The following ASPH variants were observed in gnomAD, a reference collection of about 807,000 sequenced individuals.
The protein encoded by ASPH is aspartate beta-hydroxylase.
ASPH carries 100 observed loss-of-function variants against 118.4 expected under a neutral mutation model. That is an observed-to-expected ratio of 0.84 (90% CI 0.72 to 1.00). The LOEUF is 1.00. Among genes scored for constraint, ASPH ranks in the 50% least tolerant of loss-of-function variants. ASPH has a pLI of 0.00. For synonymous variants in ASPH, 315 were observed against 325.6 expected, an observed-to-expected ratio of 0.97 and a Z score of 0.35; for missense variants, 920 against 919.5, an observed-to-expected ratio of 1.00 and a Z score of -0.01.
At chr8:61,685,398 C>A (rs534653554) in intron 1 of ASPH, among the ~76,000 whole-genome samples, 48 of 152,226 alleles carry the variant, frequency 3.2e-4, no homozygotes, top group Non-Finnish European at 5.1e-4. Context: ...AAATGATTCT[C>A]CCAAAGTCAC....
chr8:61,630,116 G>C (rs751959233), intron 13 of ASPH, among the ~76,000 whole-genome samples: 5 of 152,138 alleles, frequency 3.3e-5, no homozygotes, highest in Non-Finnish European at 7.3e-5. Flanking sequence ...TGCCACTTGG[G>C]ATTAGCACAT....
rs182848479 is a variant in ASPH at position 61,519,501 on chromosome 8, G to A, written c.1901-1378C>T. On this transcript the variant is annotated intron_variant, in intron 22 of 24. Coordinates refer to ENST00000379454, the MANE Select transcript of ASPH (RefSeq NM_004318.4). ...CCTGTGACAGGAAAAATAATAGTTA[G>A]CTCCCAAAAGATGTCCATACCCTCA... 2.0e-3 allele frequency among the ~76,000 whole-genome samples: 303 copies of A among 152,286 alleles called. 3 individuals are homozygous for A. The highest frequency in any genetic ancestry group is 2.0e-3 in the Non-Finnish European group (135 of 68,024).
intron 14 of ASPH, among the ~76,000 whole-genome samples, chr8:61,601,468 A>G (rs1843949964): frequency 1.3e-5 from 2 of 150,416 alleles, no homozygotes; most frequent in Admixed American, 1.3e-4. Context: ...TGAACCCAGG[A>G]GGCGGAGGTT....
intron 14 of ASPH, among the ~76,000 whole-genome samples, chr8:61,605,869 ATTC>A (rs1194781332): frequency 1.3e-5 from 2 of 152,220 alleles, no homozygotes; most frequent in Non-Finnish European, 2.9e-5. Context: ...ATTTTAAAAT[ATTC>A]CTCATTTTTC....
chr8:61,590,827 T>C (rs535505028), intron 14 of ASPH, among the ~76,000 whole-genome samples: 1 of 152,304 alleles, frequency 6.6e-6, no homozygotes, highest in South Asian at 2.1e-4. Flanking sequence ...AACCCTTTCC[T>C]TTATTTCTAC....
At chr8:61,556,048 T>G (rs565482056) in intron 18 of ASPH, 26 bp from the exon 19 acceptor site, 1 of 1,598,430 alleles carries the variant, frequency 6.3e-7, no homozygotes, top group Non-Finnish European at 8.6e-7. Context: ...ACACAGAACA[T>G]AACTCAAAGA....
At chr8:61,538,684 G>A (rs968440551) in intron 21 of ASPH, among the ~76,000 whole-genome samples, 1 of 152,198 alleles carries the variant, frequency 6.6e-6, no homozygotes, top group Admixed American at 6.5e-5. Flanking sequence ...AAGTGACAGA[G>A]TGCTATTCTA....
chr8:61,693,397 G>A (rs1833145356), intron 1 of ASPH, among the ~76,000 whole-genome samples: 1 of 152,128 alleles, frequency 6.6e-6, no homozygotes, highest in Admixed American at 6.5e-5. Context: ...CCATCATAAT[G>A]ACTGTAAAGT....
chr8:61,591,482 A>T (rs557055987), intron 14 of ASPH, among the ~76,000 whole-genome samples: 2 of 152,114 alleles, frequency 1.3e-5, no homozygotes, highest in Non-Finnish European at 2.9e-5. Flanking sequence ...ATCTTATTCC[A>T]TGTAGGTTTT....
At chr8:61,617,252 T>C (rs1454302913) in intron 14 of ASPH, among the ~76,000 whole-genome samples, 2 of 152,072 alleles carry the variant, frequency 1.3e-5, no homozygotes, top group Non-Finnish European at 2.9e-5. Flanking sequence ...CGGTGATTAA[T>C]GGTCAAGGAG....
intron 14 of ASPH, among the ~76,000 whole-genome samples, chr8:61,607,914 A>T (rs1374223562): frequency 6.6e-6 from 1 of 152,210 alleles, no homozygotes; most frequent in Non-Finnish European, 1.5e-5. Flanking sequence ...CTCAAAGAGG[A>T]TAGTGTCTAC....
Position 61,680,960 on chromosome 8 carries a change from G to T in ASPH, c.322+8C>A. 4 of 1,594,358 alleles carry T rather than the reference G, an allele frequency of 2.5e-6. No homozygotes were observed. Among genetic ancestry groups the T allele is most frequent in the Non-Finnish European group, 3.4e-6 (4 of 1,169,496 alleles). On this transcript the variant is annotated splice_region_variant and intron_variant, in intron 3 of 24. Transcript: ENST00000379454. ...ACCACTAACAAAAAACATAAAATGT[G>T]TACTTGCCTAATAAAACTTTGGCAT...
Position 61,613,692 on chromosome 8 carries a change from T to C in ASPH, c.976+5286A>G, listed in dbSNP as rs1381970695. ...AACATCTAAGCTCAGTTTTAAGAAA[T>C]GGGAGTGATAAAAGGGAAGTGGAGC... On this transcript the variant is annotated intron_variant, in intron 14 of 24. Coordinates refer to ENST00000379454, the MANE Select transcript of ASPH (RefSeq NM_004318.4). 4.6e-5 allele frequency among the ~76,000 whole-genome samples: 7 copies of C among 152,108 alleles called. No homozygotes were observed. The East Asian group carries it at 1.3e-3, about 29-fold the overall frequency.
chr8:61,523,724 T>A (rs1215285579), intron 22 of ASPH, among the ~76,000 whole-genome samples: 1 of 152,156 alleles, frequency 6.6e-6, no homozygotes, highest in East Asian at 1.9e-4. Context: ...CTTTAAAAAA[T>A]CTTCCTAAAA....
chr8:61,533,601 A>C (rs1818391305), intron 21 of ASPH, among the ~76,000 whole-genome samples: 1 of 152,164 alleles, frequency 6.6e-6, no homozygotes, highest in Non-Finnish European at 1.5e-5. Flanking sequence ...TGTTGGGTGC[A>C]TTGTCAAGCC....
At chr8:61,603,757 A>G (rs984080727) in intron 14 of ASPH, among the ~76,000 whole-genome samples, 8 of 152,240 alleles carry the variant, frequency 5.3e-5, no homozygotes. Flanking sequence ...AAGTAAATTA[A>G]TGACTAGAAT....
chr8:61,586,918 C>T (rs942970001), intron 14 of ASPH, among the ~76,000 whole-genome samples: 7 of 152,184 alleles, frequency 4.6e-5, no homozygotes, highest in African/African-American at 1.2e-4. Flanking sequence ...TGAGAACATT[C>T]GTGCTGAGCG....
At chr8:61,609,021 T>G (rs1846453518) in intron 14 of ASPH, among the ~76,000 whole-genome samples, 1 of 152,108 alleles carries the variant, frequency 6.6e-6, no homozygotes, top group Non-Finnish European at 1.5e-5. Flanking sequence ...CAGTTAATTA[T>G]CCGTACATTA....
intron 21 of ASPH, among the ~76,000 whole-genome samples, chr8:61,533,897 T>G (rs1818487887): frequency 6.6e-6 from 1 of 152,218 alleles, no homozygotes; most frequent in Non-Finnish European, 1.5e-5. Context: ...AAGTGAGGTT[T>G]CAGGTGGGGG....
Sources: allele counts gnomAD v4.1 joint callset (sites outside exome capture counted in the v4.1 genomes callset), GRCh38; gene constraint gnomAD v4.1.1; transcripts MANE v1.5; gene names NCBI Gene and HGNC (gene_info 2026-07-23, HGNC 2026-07-21).